The following SLC22A16 variants were observed in gnomAD, a reference collection of about 807,000 sequenced individuals.
SLC22A16 encodes solute carrier family 22 member 16, also known as WUGSC:RG331P03.1.
A neutral mutation model predicts 52.9 loss-of-function variants in SLC22A16; 53 were observed. That is an observed-to-expected ratio of 1.00 (90% CI 0.80 to 1.26). The LOEUF is 1.26. SLC22A16 is among the 50% of genes most tolerant of loss of function. SLC22A16 has a pLI of 0.00. For synonymous variants in SLC22A16, 291 were observed against 268.8 expected, an observed-to-expected ratio of 1.08 and a Z score of -0.81; for missense variants, 726 against 704.0, an observed-to-expected ratio of 1.03 and a Z score of -0.35.
intron 1 of SLC22A16, 162 bp downstream of exon 1, chr6:110,476,360 A>C (rs2494551): frequency 0.87 from 1,187,120 of 1,362,112 alleles, 521,120 homozygotes; most frequent in Non-Finnish European, 0.9. Flanking sequence ...AAGCCCAGCT[A>C]GGGGCCGGCG....
At chr6:110,434,806 C>A (rs1466692598) in intron 6 of SLC22A16, among the ~76,000 whole-genome samples, 2 of 152,010 alleles carry the variant, frequency 1.3e-5, no homozygotes, top group African/African-American at 4.8e-5. Context: ...GGTGAAACCC[C>A]GTCTCTACTA....
intron 2 of SLC22A16, among the ~76,000 whole-genome samples, chr6:110,451,967 G>T (rs1356477523): frequency 6.6e-6 from 1 of 152,160 alleles, no homozygotes; most frequent in African/African-American, 2.4e-5. Flanking sequence ...GAATCCAGTT[G>T]TATTTCCTTC....
intron 7 of SLC22A16, chr6:110,425,447 A>T: frequency 7.7e-7 from 1 of 1,302,464 alleles, no homozygotes; most frequent in Non-Finnish European, 1.0e-6. Flanking sequence ...TGTGGAGAAG[A>T]CAAGTAACTG....
At chr6:110,468,108 C>T (rs1776133622) in intron 1 of SLC22A16, among the ~76,000 whole-genome samples, 1 of 152,232 alleles carries the variant, frequency 6.6e-6, no homozygotes, top group Non-Finnish European at 1.5e-5. Context: ...TGAATTCTAT[C>T]TATGGCATTG....
At chr6:110,456,175 G>A in intron 2 of SLC22A16, 1 of 211,148 alleles carries the variant, frequency 4.7e-6, no homozygotes. Flanking sequence ...CGTATCTATT[G>A]AGTGATTATA....
chr6:110,460,870 G>C (rs62421693), intron 1 of SLC22A16, among the ~76,000 whole-genome samples: 1 of 152,166 alleles, frequency 6.6e-6, no homozygotes, highest in Non-Finnish European at 1.5e-5. Context: ...TTCTTCTAGG[G>C]GGAGCACAGC....
intron 1 of SLC22A16, among the ~76,000 whole-genome samples, chr6:110,469,541 C>T (rs888683923): frequency 6.6e-6 from 1 of 152,192 alleles, no homozygotes; most frequent in African/African-American, 2.4e-5. Flanking sequence ...GAGAGAGACC[C>T]TGTCTCAAAA....
At chr6:110,451,725 C>T (rs993883080) in intron 2 of SLC22A16, among the ~76,000 whole-genome samples, 2 of 152,108 alleles carry the variant, frequency 1.3e-5, no homozygotes, top group African/African-American at 4.8e-5. Flanking sequence ...TCATGTCTTT[C>T]CTCTTTTAAT....
At chr6:110,430,029 A>G (rs1374374637) in intron 7 of SLC22A16, among the ~76,000 whole-genome samples, 1 of 151,950 alleles carries the variant, frequency 6.6e-6, no homozygotes, top group Non-Finnish European at 1.5e-5. Flanking sequence ...AAAGCCCTGG[A>G]TATCAGCTGA....
At chr6:110,469,384 C>T (rs911532582) in intron 1 of SLC22A16, among the ~76,000 whole-genome samples, 1 of 152,128 alleles carries the variant, frequency 6.6e-6, no homozygotes, top group Non-Finnish European at 1.5e-5. Context: ...AACTCCATCT[C>T]TACTATAAAT....
intron 1 of SLC22A16, among the ~76,000 whole-genome samples, chr6:110,460,342 T>C (rs549195313): frequency 6.6e-6 from 1 of 152,060 alleles, no homozygotes; most frequent in South Asian, 2.1e-4. Flanking sequence ...GAAATTAAAA[T>C]GGAGAAAGAG....
rs80115392 is a variant in SLC22A16 at position 110,438,612 on chromosome 6, C to T, written c.1311+108G>A. 1,535 of 1,198,822 alleles carry T rather than the reference C, an allele frequency of 1.3e-3. 9 individuals carry two copies. The African/African-American group carries it at 0.017, about 13-fold the overall frequency. 74.3% of individuals were successfully genotyped at this position (1,198,822 alleles called of 1,614,324 possible). ...AGATTTTTAAATATTATATACTCTG[C>T]CCAAATCATACTCTGAATTGACCTT... On this transcript the variant is annotated intron_variant, in intron 5 of 7. Transcript: ENST00000368919.
At chr6:110,448,093 C>T (rs1562288342) in intron 2 of SLC22A16, among the ~76,000 whole-genome samples, 2 of 152,128 alleles carry the variant, frequency 1.3e-5, no homozygotes, top group South Asian at 4.2e-4. Context: ...AAGATGGCCG[C>T]CCCATTTTTC....
intron 4 of SLC22A16, chr6:110,440,087 A>C (rs1774904432): frequency 1.3e-5 from 2 of 152,198 alleles, no homozygotes; most frequent in Admixed American, 1.3e-4. Context: ...CAGCACAGGA[A>C]TTTTGACCTG....
intron 2 of SLC22A16, chr6:110,453,818 C>A: frequency 2.4e-6 from 1 of 413,172 alleles, no homozygotes; most frequent in Non-Finnish European, 4.8e-6. Context: ...GTTCTGCAGG[C>A]TGGGAAGATC....
intron 5 of SLC22A16, 98 bp from the exon 6 acceptor site, chr6:110,436,059 A>G (rs753291208): frequency 5.1e-6 from 4 of 791,234 alleles, no homozygotes; most frequent in Non-Finnish European, 8.3e-6. Context: ...TAATTCCTTC[A>G]GTATTTTTTC....
At chr6:110,475,267 A>G (rs1776421491) in intron 1 of SLC22A16, among the ~76,000 whole-genome samples, 1 of 152,174 alleles carries the variant, frequency 6.6e-6, no homozygotes. Context: ...TGTGGAGGTG[A>G]TGGGCATCCA....
At chr6:110,433,958 G>A (rs1295355462) in intron 6 of SLC22A16, among the ~76,000 whole-genome samples, 1 of 152,086 alleles carries the variant, frequency 6.6e-6, no homozygotes, top group Non-Finnish European at 1.5e-5. Context: ...AAAGTCTGAC[G>A]GGCCGGACGC....
chr6:110,447,446 T>A (rs1471413699), intron 2 of SLC22A16, among the ~76,000 whole-genome samples: 1 of 152,206 alleles, frequency 6.6e-6, no homozygotes, highest in Non-Finnish European at 1.5e-5. Context: ...CTTTTCATAA[T>A]TGAAAGAGGC....
Sources: allele counts gnomAD v4.1 joint callset (sites outside exome capture counted in the v4.1 genomes callset), GRCh38; gene constraint gnomAD v4.1.1; transcripts MANE v1.5; gene names NCBI Gene and HGNC (gene_info 2026-07-23, HGNC 2026-07-21).